Variants in NPAS3 observed in about 807,000 individuals in gnomAD.
NPAS3 encodes neuronal PAS domain protein 3.
NPAS3 carries 14 observed loss-of-function variants against 73.1 expected under a neutral mutation model. The ratio of observed to expected loss-of-function variants is 0.19; its 90% CI spans 0.13 to 0.30. NPAS3 has a LOEUF of 0.30. Among genes scored for constraint, NPAS3 ranks in the 10% least tolerant of loss-of-function variants. NPAS3 has a pLI of 1.00. For missense variants in NPAS3, 1,096 were observed against 1,250.0 expected (o/e 0.88, Z 1.86); for synonymous variants, 620 against 541.5 (o/e 1.14, Z -2.01).
At chr14:33,496,505 A>G (rs2052197801) in intron 4 of NPAS3, among the ~76,000 whole-genome samples, 1 of 152,146 alleles carries the variant, frequency 6.6e-6, no homozygotes, top group East Asian at 1.9e-4. Context: ...ATCCACCACA[A>G]TCAAGTCGGC....
At chr14:33,087,443 C>A (rs2042075636) in intron 2 of NPAS3, among the ~76,000 whole-genome samples, 1 of 151,754 alleles carries the variant, frequency 6.6e-6, no homozygotes, top group Admixed American at 6.6e-5. Flanking sequence ...GACTTCTGTG[C>A]AAATGATACC....
At chr14:33,542,654 G>A (rs569770728) in intron 4 of NPAS3, among the ~76,000 whole-genome samples, 1 of 152,116 alleles carries the variant, frequency 6.6e-6, no homozygotes, top group Non-Finnish European at 1.5e-5. Context: ...AATTAACTTA[G>A]GATTCTAAAA....
intron 2 of NPAS3, among the ~76,000 whole-genome samples, chr14:33,123,800 T>C (rs1248429286): frequency 6.6e-6 from 1 of 151,978 alleles, no homozygotes. Context: ...TCAATTAGTG[T>C]CAATGAGTTG....
At chr14:33,165,465 A>G (rs1480487624) in intron 2 of NPAS3, among the ~76,000 whole-genome samples, 3 of 152,126 alleles carry the variant, frequency 2.0e-5, no homozygotes, top group South Asian at 4.2e-4. Flanking sequence ...TGGAGCTTAA[A>G]GTAGCCTCAG....
At chr14:33,251,267 T>A (rs2048574235) in intron 3 of NPAS3, among the ~76,000 whole-genome samples, 1 of 152,174 alleles carries the variant, frequency 6.6e-6, no homozygotes, top group Non-Finnish European at 1.5e-5. Context: ...TTTTTCCCAG[T>A]GTCCTTTCAC....
At chr14:33,569,890 G>A (rs2056131675) in intron 5 of NPAS3, among the ~76,000 whole-genome samples, 1 of 152,174 alleles carries the variant, frequency 6.6e-6, no homozygotes, top group Admixed American at 6.5e-5. Context: ...GTGAATGATA[G>A]TGCTAGCTCT....
chr14:33,129,501 G>A (rs1486424746), intron 2 of NPAS3, among the ~76,000 whole-genome samples: 19 of 152,110 alleles, frequency 1.2e-4, no homozygotes, highest in Non-Finnish European at 2.8e-4. Context: ...TATACTCACT[G>A]AAACATTAAA....
chr14:33,545,939 TC>T (rs2054822846), intron 4 of NPAS3, among the ~76,000 whole-genome samples: 5 of 152,190 alleles, frequency 3.3e-5, no homozygotes, highest in Admixed American at 3.3e-4. Flanking sequence ...CAGAATGTGC[TC>T]CTTAGCAATG....
intron 2 of NPAS3, among the ~76,000 whole-genome samples, chr14:33,138,532 C>G (rs1320744386): frequency 6.6e-6 from 1 of 152,120 alleles, no homozygotes; most frequent in Non-Finnish European, 1.5e-5. Flanking sequence ...ATCCATGCCC[C>G]AGCATCATGC....
rs151060092 is a variant in NPAS3 at position 33,582,477 on chromosome 14, T to G, written c.558+22267T>G. Among the ~76,000 whole-genome samples, 90 of 152,344 alleles carry G rather than the reference T, an allele frequency of 5.9e-4. 1 individual carries two copies. The Middle Eastern group carries it at 0.024, about 40-fold the overall frequency. On this transcript the variant is annotated intron_variant, in intron 5 of 11. Transcript: ENST00000356141. ...CCTGAAGTCCATTCAATGTCAATAT[T>G]GTTATACCATGTTTATCTTCTTAGG...
At chr14:32,980,697 A>G (rs2037860777) in intron 1 of NPAS3, among the ~76,000 whole-genome samples, 1 of 152,194 alleles carries the variant, frequency 6.6e-6, no homozygotes, top group Non-Finnish European at 1.5e-5. Flanking sequence ...GTTTGGCAGT[A>G]CTAATTTGTA....
intron 3 of NPAS3, among the ~76,000 whole-genome samples, chr14:33,303,131 G>T (rs1474951624): frequency 6.6e-6 from 1 of 151,994 alleles, no homozygotes; most frequent in Non-Finnish European, 1.5e-5. Flanking sequence ...CTTGTCGCCA[G>T]ATATTTTTTT....
chr14:33,688,223 CAGAA>C (rs890818740), intron 6 of NPAS3, among the ~76,000 whole-genome samples: 3 of 152,166 alleles, frequency 2.0e-5, no homozygotes, highest in African/African-American at 7.2e-5. Flanking sequence ...AACCCTTGCC[CAGAA>C]AGAGAGTTCC....
intron 4 of NPAS3, among the ~76,000 whole-genome samples, chr14:33,386,960 A>T (rs936247678): frequency 2.0e-5 from 3 of 151,840 alleles, no homozygotes; most frequent in Non-Finnish European, 2.9e-5. Flanking sequence ...TCAGTTTGGG[A>T]TGTGGCCAAG....
intron 5 of NPAS3, among the ~76,000 whole-genome samples, chr14:33,640,043 C>T (rs1177698078): frequency 1.3e-5 from 2 of 152,128 alleles, no homozygotes; most frequent in Non-Finnish European, 2.9e-5. Flanking sequence ...CATGATAAAA[C>T]CCCATCTCTA....
chr14:33,344,051 C>A (rs1161563707), intron 3 of NPAS3, among the ~76,000 whole-genome samples: 3 of 152,116 alleles, frequency 2.0e-5, no homozygotes, highest in Admixed American at 6.5e-5. Flanking sequence ...GGTCATATTC[C>A]CATACTTAGA....
intron 7 of NPAS3, among the ~76,000 whole-genome samples, chr14:33,770,428 A>G (rs2062614163): frequency 6.6e-6 from 1 of 152,184 alleles, no homozygotes; most frequent in African/African-American, 2.4e-5. Context: ...ATACTGAATC[A>G]TCTCCCTCTT....
At chr14:33,641,690 G>A (rs2058679681) in intron 5 of NPAS3, among the ~76,000 whole-genome samples, 1 of 151,834 alleles carries the variant, frequency 6.6e-6, no homozygotes, top group Non-Finnish European at 1.5e-5. Context: ...ACCCAGCATA[G>A]TGATGCTCCT....
chr14:33,159,928 G>A (rs2044798102), intron 2 of NPAS3, among the ~76,000 whole-genome samples: 1 of 152,126 alleles, frequency 6.6e-6, no homozygotes, highest in South Asian at 2.1e-4. Flanking sequence ...AATAAAGACT[G>A]TGCTGGCTTA....
Sources: allele counts gnomAD v4.1 joint callset (sites outside exome capture counted in the v4.1 genomes callset), GRCh38; gene constraint gnomAD v4.1.1; transcripts MANE v1.5; gene names NCBI Gene and HGNC (gene_info 2026-07-23, HGNC 2026-07-21).